PRKAR1A: variants seen among roughly 807,000 people sequenced by gnomAD.
PRKAR1A encodes cAMP-dependent protein kinase type I-alpha regulatory subunit.
A neutral mutation model predicts 52.0 loss-of-function variants in PRKAR1A; 3 were observed. That is an observed-to-expected ratio of 0.06 (90% CI 0.03 to 0.15). PRKAR1A has a LOEUF of 0.15. Ranked by LOEUF, PRKAR1A falls within the 10% of genes least tolerant of loss-of-function variation. The pLI is 1.00. For missense variants in PRKAR1A, 240 were observed against 477.4 expected (o/e 0.50, Z 4.63); for synonymous variants, 188 against 168.4 (o/e 1.12, Z -0.90).
At chr17:68,469,879 C>A in the PRKAR1A span, among the ~76,000 whole-genome samples, 2 of 151,858 alleles carry the variant, frequency 1.3e-5, no homozygotes, top group Non-Finnish European at 2.9e-5. Context: ...TTTTTATACC[C>A]CCAAACATAC....
chr17:68,516,978 T>G (rs1192276656), intron 2 of PRKAR1A, among the ~76,000 whole-genome samples: 3 of 152,224 alleles, frequency 2.0e-5, no homozygotes, highest in Non-Finnish European at 4.4e-5. Flanking sequence ...ATTAAGTTGG[T>G]GAGACATTAA....
In PRKAR1A at chr17:68,531,863, T is replaced by C. The variant is rs1276198893; in HGVS notation, c.*1414T>C. Reference sequence around the variant, plus strand: ...TTCACAGTTCTGTAATGTAGGCACTTTTATTTTCATTGTGATTTATATATA... The same window carrying C: ...TTCACAGTTCTGTAATGTAGGCACTCTTATTTTCATTGTGATTTATATATA... On this transcript the variant is annotated 3_prime_UTR_variant, in exon 11 of 11. Coordinates refer to ENST00000589228, the MANE Select transcript of PRKAR1A (RefSeq NM_002734.5). The C allele has an allele frequency of 2.8e-5, 29 of 1,040,980 alleles. No individual in the cohort carries two copies. The highest frequency in any genetic ancestry group is 3.4e-5 in the Non-Finnish European group (29 of 856,874). The allele number at this position is 1,040,980 out of a possible 1,614,324, so 64.5% of individuals were successfully genotyped here.
the PRKAR1A span, among the ~76,000 whole-genome samples, chr17:68,502,755 GAAAAAAA>G: frequency 5.5e-3 from 478 of 86,300 alleles, 2 homozygotes; most frequent in African/African-American, 0.016. Flanking sequence ...TTCATCTCAG[GAAAAAAA>G]AAAAAAAAAA....
chr17:68,535,808 AT>A (rs113263481), downstream of PRKAR1A: 63 of 430,820 alleles, frequency 1.5e-4, no homozygotes, highest in South Asian at 3.2e-4. Context: ...TGCCCAGCTG[AT>A]TTTTTTTTTA....
intron 1 of PRKAR1A, 128 bp from the exon 2 acceptor site, chr17:68,515,266 T>G (rs2085393594): frequency 4.7e-6 from 5 of 1,063,314 alleles, no homozygotes; most frequent in Non-Finnish European, 6.9e-6. Flanking sequence ...ACTTCCCTGT[T>G]TAAAAACAAA....
At chr17:68,453,070 C>A in the PRKAR1A span, 7 of 1,205,554 alleles carry the variant, frequency 5.8e-6, no homozygotes, top group Admixed American at 1.0e-4. Context: ...ATGCCTTTTG[C>A]CCCCTAGCCT....
chr17:68,530,196 GTCT>G (rs940398209), intron 10 of PRKAR1A, 78 bp from the exon 11 acceptor site: 4 of 1,551,660 alleles, frequency 2.6e-6, no homozygotes, highest in East Asian at 2.2e-5. Flanking sequence ...CATATCTATT[GTCT>G]TCTTTCTCAG....
chr17:68,414,707 C>T, the PRKAR1A span, among the ~76,000 whole-genome samples: 3 of 152,108 alleles, frequency 2.0e-5, no homozygotes, highest in Admixed American at 6.5e-5. Context: ...ATTTTAATCT[C>T]GCTGCTTGTT....
chr17:68,504,052 A>G, the PRKAR1A span, among the ~76,000 whole-genome samples: 1 of 152,234 alleles, frequency 6.6e-6, no homozygotes, highest in African/African-American at 2.4e-5. Flanking sequence ...CATACCCCAA[A>G]GAAAGGAAAT....
At chr17:68,417,414 C>T in the PRKAR1A span, among the ~76,000 whole-genome samples, 2 of 152,246 alleles carry the variant, frequency 1.3e-5, no homozygotes, top group East Asian at 3.9e-4. Flanking sequence ...ACTGTAAGAA[C>T]TTGGTTGAGC....
the PRKAR1A span, among the ~76,000 whole-genome samples, chr17:68,489,531 T>C: frequency 6.8e-6 from 1 of 147,216 alleles, no homozygotes; most frequent in Non-Finnish European, 1.5e-5. Context: ...TGTATATATA[T>C]ATATGTATAT....
At chr17:68,547,280 T>A (rs1283668749) in intron 11 of PRKAR1A, among the ~76,000 whole-genome samples, 3 of 152,300 alleles carry the variant, frequency 2.0e-5, no homozygotes, top group South Asian at 4.1e-4. Flanking sequence ...TATTATTATT[T>A]TTTTATTATA....
rs888197074 is a variant in PRKAR1A, at chr17:68,512,455, A to C, written c.-100A>C. The C allele has an allele frequency of 3.3e-5, 5 of 153,170 alleles. No individual in the cohort carries two copies. The highest frequency in any genetic ancestry group is 4.4e-5 in the Non-Finnish European group (3 of 68,338). 9.5% of individuals were successfully genotyped at this position (153,170 alleles called of 1,614,324 possible). On this transcript the variant is annotated 5_prime_UTR_variant, in exon 1 of 11. Coordinates refer to ENST00000589228, the MANE Select transcript of PRKAR1A (RefSeq NM_002734.5). Reference sequence around the variant, plus strand: ...GGAGCTGTCGCCTAGCCGCTATCGCAGAGTGGAGCGGGGCTGGGAGCAAAG... The same window carrying C: ...GGAGCTGTCGCCTAGCCGCTATCGCCGAGTGGAGCGGGGCTGGGAGCAAAG...
intron 5 of PRKAR1A, 107 bp downstream of exon 5, chr17:68,524,184 C>CTT (rs140696489): frequency 5.8e-5 from 58 of 994,272 alleles, no homozygotes; most frequent in African/African-American, 1.9e-4. Context: ...GATCCTACCA[C>CTT]TTTTTTTTTT....
At chr17:68,469,850 AT>A in the PRKAR1A span, among the ~76,000 whole-genome samples, 3 of 152,178 alleles carry the variant, frequency 2.0e-5, no homozygotes, top group African/African-American at 7.2e-5. Context: ...AACCCATTAT[AT>A]GTTAACATTA....
At chr17:68,499,368 A>AGAG in the PRKAR1A span, among the ~76,000 whole-genome samples, 1 of 140,402 alleles carries the variant, frequency 7.1e-6, no homozygotes, top group South Asian at 2.3e-4. Flanking sequence ...AAGGGAGGAA[A>AGAG]AGAGAGAGAG....
chr17:68,473,825 T>C, the PRKAR1A span, among the ~76,000 whole-genome samples: 1 of 152,130 alleles, frequency 6.6e-6, no homozygotes, highest in Non-Finnish European at 1.5e-5. Context: ...CTGGCCAACC[T>C]ATCTATTTTA....
chr17:68,457,501 C>T, the PRKAR1A span: 3 of 1,243,774 alleles, frequency 2.4e-6, no homozygotes, highest in South Asian at 2.0e-5. Context: ...CTCCACGGGC[C>T]GGGTCGCCGG....
the PRKAR1A span, among the ~76,000 whole-genome samples, chr17:68,471,169 G>A: frequency 6.6e-6 from 1 of 152,182 alleles, no homozygotes; most frequent in Non-Finnish European, 1.5e-5. Context: ...TCCATCAGTA[G>A]GGGACAGGGT....
Sources: gnomAD v4.1 joint callset for allele counts (sites outside exome capture counted in the v4.1 genomes callset) on GRCh38, gnomAD v4.1.1 for gene constraint, MANE v1.5 for transcripts, NCBI Gene and HGNC (gene_info 2026-07-23, HGNC 2026-07-21) for gene names.